CCDC33: variants seen among roughly 807,000 people sequenced by gnomAD.
CCDC33 encodes the protein coiled-coil domain containing 33, also known as coiled-coil domain-containing protein 33.
CCDC33 carries 94 observed loss-of-function variants against 91.9 expected under a neutral mutation model. That is an observed-to-expected ratio of 1.02 (90% CI 0.87 to 1.21). CCDC33 has a LOEUF of 1.21. CCDC33 is among the 50% of genes most tolerant of loss of function. The pLI is 0.00. For synonymous variants in CCDC33, 396 were observed against 374.5 expected (o/e 1.06, Z -0.66); for missense variants, 940 against 935.5 (o/e 1.00, Z -0.06).
At chr15:74,223,774 GCACACA>G (rs34461827) in intron 2 of CCDC33, among the ~76,000 whole-genome samples, 54 of 145,616 alleles carry the variant, frequency 3.7e-4, no homozygotes, top group African/African-American at 1.0e-3. Flanking sequence ...ACGCAAGCAT[GCACACA>G]CACACACACA....
upstream of CCDC33, among the ~76,000 whole-genome samples, chr15:74,213,659 A>G (rs552316775): frequency 3.2e-3 from 481 of 152,134 alleles, no homozygotes; most frequent in Non-Finnish European, 4.6e-3. Context: ...CAGTTTTCCC[A>G]TTTGTGTGAC....
intron 10 of CCDC33, among the ~76,000 whole-genome samples, chr15:74,282,922 A>T (rs2059396555): frequency 6.6e-6 from 1 of 152,208 alleles, no homozygotes; most frequent in South Asian, 2.1e-4. Context: ...GAACCCAGAA[A>T]GTGTTTGCAG....
At chr15:74,208,805 A>G (rs944009509) in intron 1 of CCDC33, 4 of 988,346 alleles carry the variant, frequency 4.0e-6, no homozygotes, top group African/African-American at 1.8e-5. Context: ...CCTACCTCCA[A>G]TCAAGCGCTC....
chr15:74,231,154 C>G (rs1405063506), intron 2 of CCDC33, among the ~76,000 whole-genome samples: 1 of 152,186 alleles, frequency 6.6e-6, no homozygotes, highest in African/African-American at 2.4e-5. Flanking sequence ...CCCAGAGCCT[C>G]CAGGATCCCA....
intron 10 of CCDC33, among the ~76,000 whole-genome samples, chr15:74,293,985 A>C (rs903151224): frequency 3.3e-5 from 5 of 152,244 alleles, no homozygotes; most frequent in Non-Finnish European, 7.3e-5. Flanking sequence ...GCATAAAAGA[A>C]TAATTACTTA....
chr15:74,270,765 A>G (rs928056017), intron 5 of CCDC33, among the ~76,000 whole-genome samples: 18 of 152,084 alleles, frequency 1.2e-4, no homozygotes, highest in African/African-American at 4.3e-4. Context: ...TCTGCCTTCC[A>G]GTGTCCCCCA....
intron 5 of CCDC33, among the ~76,000 whole-genome samples, chr15:74,271,267 C>A (rs1233166019): frequency 6.6e-6 from 1 of 152,068 alleles, no homozygotes; most frequent in Non-Finnish European, 1.5e-5. Flanking sequence ...ATCAGAGACC[C>A]CTCACAGCCC....
intron 2 of CCDC33, among the ~76,000 whole-genome samples, chr15:74,254,275 C>G (rs958683950): frequency 3.9e-5 from 6 of 152,240 alleles, no homozygotes; most frequent in African/African-American, 1.4e-4. Context: ...TCATGATCTG[C>G]CCGCCTCAGC....
chr15:74,251,993 A>G (rs2075725159), intron 2 of CCDC33, among the ~76,000 whole-genome samples: 1 of 152,188 alleles, frequency 6.6e-6, no homozygotes, highest in African/African-American at 2.4e-5. Context: ...GTATAATATT[A>G]TCATTAAACC....
In CCDC33 at chr15:74,335,071, A is replaced by G; in HGVS notation, c.2122A>G (p.Ile708Val). 6.2e-7 allele frequency: 1 copy of G among 1,613,842 alleles called. No individual in the cohort carries two copies. The highest frequency in any genetic ancestry group is 1.3e-5 in the African/African-American group (1 of 75,010). Residue 708 changes from isoleucine to valine, a missense_variant, in exon 18 of 19, where the codon ATC becomes GTC. Ile to Val is a conservative substitution (Grantham distance 29, BLOSUM62 3). Transcript: ENST00000398814. ...AGGTTTCAGGCACCCCTCGAACTCCATCATCATAGAACAGCCTGTGAGTGA... is the reference window on the plus strand; with the variant it reads ...AGGTTTCAGGCACCCCTCGAACTCCGTCATCATAGAACAGCCTGTGAGTGA... ...EKGFRHPSNS[I>V]IIEQPSALTH...
chr15:74,272,961 G>A (rs2076360710), intron 7 of CCDC33, 70 bp downstream of exon 7: 4 of 1,583,464 alleles, frequency 2.5e-6, no homozygotes, highest in South Asian at 2.3e-5. Flanking sequence ...CTCACTCAGT[G>A]AGTCAGTCAG....
intron 3 of CCDC33, 129 bp downstream of exon 3, chr15:74,262,702 A>T (rs2076059915): frequency 4.1e-6 from 4 of 977,606 alleles, no homozygotes; most frequent in South Asian, 3.7e-5. Context: ...GGCTCAGTTA[A>T]AAGCACTTAG....
In CCDC33 at chr15:74,335,036, A is replaced by G; in HGVS notation, c.2087A>G (p.Glu696Gly). 6.2e-7 allele frequency: 1 copy of G among 1,614,126 alleles called. No homozygotes were observed. Among genetic ancestry groups the G allele is most frequent in the African/African-American group, 1.3e-5 (1 of 75,010 alleles). The change falls in exon 18 of 19, where the codon GAG (glutamate) becomes GGG (glycine). Residue 696 changes from glutamate (E) to glycine (G), a missense_variant. By Grantham distance (98) the Glu-to-Gly change is moderately conservative (BLOSUM62 -2). Coordinates refer to ENST00000398814, the MANE Select transcript of CCDC33 (RefSeq NM_025055.5). ...CAGGATCTGGCCACACGGCTGCAGG[A>G]GCAAGAAAAAGGTTTCAGGCACCCC... Reference protein sequence around the residue: ...EKQDLATRLQEQEKGFRHPSN... With the variant: ...EKQDLATRLQGQEKGFRHPSN...
Position 74,236,559 on chromosome 15 carries a change from C to T in CCDC33, c.-161C>T. ...CAGGCCCCAGGGCTGGTGTGTGGCA[C>T]CCCTGAGACCACATTGACCTCCATA... On this transcript the variant is annotated 5_prime_UTR_variant, in exon 1 of 19. Coordinates refer to ENST00000398814, the MANE Select transcript of CCDC33 (RefSeq NM_025055.5). 2.1e-6 allele frequency: 1 copy of T among 486,588 alleles called. No homozygotes were observed. Among genetic ancestry groups the T allele is most frequent in the Non-Finnish European group, 3.7e-6 (1 of 273,386 alleles). The allele number at this position is 486,588 out of a possible 1,614,324, so 30.1% of individuals were successfully genotyped here. A position where few individuals can be genotyped will look rare whatever the true frequency, so the allele number is the denominator to read the frequency against.
chr15:74,292,115 C>G (rs1414636128), intron 10 of CCDC33, among the ~76,000 whole-genome samples: 2 of 152,238 alleles, frequency 1.3e-5, no homozygotes, highest in Non-Finnish European at 2.9e-5. Context: ...CCCCAGCAGG[C>G]AGAGCAAGGC....
intron 2 of CCDC33, among the ~76,000 whole-genome samples, chr15:74,257,562 CA>C (rs1260866708): frequency 6.6e-6 from 1 of 152,094 alleles, no homozygotes; most frequent in Non-Finnish European, 1.5e-5. Flanking sequence ...GTGGCCACGG[CA>C]AAAAGGGGCC....
At chr15:74,236,778 C>A in intron 1 of CCDC33, 38 bp downstream of exon 1, 1 of 1,607,484 alleles carries the variant, frequency 6.2e-7, no homozygotes, top group Non-Finnish European at 8.5e-7. Flanking sequence ...CTGCATGAAT[C>A]CGTCCCTCCT....
chr15:74,208,224 G>A (rs952039665), intron 1 of CCDC33, among the ~76,000 whole-genome samples: 11 of 152,124 alleles, frequency 7.2e-5, no homozygotes, highest in African/African-American at 1.7e-4. Context: ...TAGCCTTCTA[G>A]AGTAGTGAGG....
intron 1 of CCDC33, among the ~76,000 whole-genome samples, chr15:74,238,270 T>C (rs2075241394): frequency 6.6e-6 from 1 of 151,986 alleles, no homozygotes; most frequent in African/African-American, 2.4e-5. Context: ...TAACCAGGCG[T>C]GGTAGCGGGC....
Sources: gnomAD v4.1 joint callset for allele counts (sites outside exome capture counted in the v4.1 genomes callset) on GRCh38, gnomAD v4.1.1 for gene constraint, MANE v1.5 for transcripts, NCBI Gene and HGNC (gene_info 2026-07-23, HGNC 2026-07-21) for gene names.